The following MGAT4D variants were observed in gnomAD, a reference collection of about 807,000 sequenced individuals.
MGAT4D encodes alpha-1,3-mannosyl-glycoprotein 4-beta-N-acetylglucosaminyltransferase-like protein MGAT4D.
A neutral mutation model predicts 15.9 loss-of-function variants in MGAT4D; 34 were observed. The observed-to-expected ratio is 2.14, with a 90% confidence interval of 1.62 to 2.84. MGAT4D has a LOEUF of 2.84. Ranked by LOEUF, MGAT4D falls within the 30% of genes most tolerant of loss-of-function variation. The pLI is 0.00. For synonymous variants in MGAT4D, 112 were observed against 48.2 expected (o/e 2.33, Z -5.49); for missense variants, 327 against 140.2 (o/e 2.33, Z -6.73).
intron 8 of MGAT4D, chr4:140,457,378 G>A (rs564358269): frequency 5.3e-5 from 8 of 152,086 alleles, no homozygotes; most frequent in African/African-American, 1.2e-4. Flanking sequence ...TATGAAAGTC[G>A]GATGTAAGCA....
chr4:140,449,871 CA>C (rs769007539), intron 10 of MGAT4D: 6 of 189,820 alleles, frequency 3.2e-5, no homozygotes, highest in Admixed American at 2.4e-4. Context: ...AAGGGAAACA[CA>C]GCAACAAAAG....
intron 1 of MGAT4D, among the ~76,000 whole-genome samples, chr4:140,492,627 CAAAA>C (rs57107544): frequency 8.8e-6 from 1 of 113,768 alleles, no homozygotes. Flanking sequence ...GACTCTGTCT[CAAAA>C]AAAAAAAAAA....
At chr4:140,461,257 C>T (rs1423255439) in intron 7 of MGAT4D, among the ~76,000 whole-genome samples, 2 of 151,828 alleles carry the variant, frequency 1.3e-5, no homozygotes, top group Non-Finnish European at 2.9e-5. Flanking sequence ...CAAAAGAGAC[C>T]TTTTTTTTCT....
At chr4:140,493,287 CTTTTTTTTTTT>C (rs551838799) in intron 1 of MGAT4D, among the ~76,000 whole-genome samples, 2 of 112,522 alleles carry the variant, frequency 1.8e-5, no homozygotes, top group African/African-American at 6.7e-5. Flanking sequence ...TGTTCCTTTA[CTTTTTTTTTTT>C]TTTTTTTTTT....
At chr4:140,483,872 A>G (rs1283747668) in intron 1 of MGAT4D, among the ~76,000 whole-genome samples, 1 of 152,212 alleles carries the variant, frequency 6.6e-6, no homozygotes, top group African/African-American at 2.4e-5. Flanking sequence ...AAAATGGATG[A>G]AAGACTTAAG....
At chr4:140,465,308 A>G (rs1731461093) in intron 5 of MGAT4D, among the ~76,000 whole-genome samples, 1 of 152,216 alleles carries the variant, frequency 6.6e-6, no homozygotes, top group Admixed American at 6.5e-5. Context: ...AATGAAACTC[A>G]TGGATTATGA....
chr4:140,451,028 T>TAGA lies in MGAT4D; in HGVS notation c.1116+381_1116+382insTCT, dbSNP rs1578637307. Among the ~76,000 whole-genome samples, 3 of 152,192 alleles carry TAGA rather than the reference T, an allele frequency of 2.0e-5. No individual in the cohort carries two copies. In the East Asian group the frequency reaches 5.8e-4, roughly 29 times the overall value. On this transcript the variant is annotated intron_variant, in intron 10 of 10. Transcript: ENST00000511113. Reference sequence around the variant, plus strand: ...ACGAACAGTGGTCTGAAATAAAAATTCTGATACATTTAAATTAAATAGTAG... The same window carrying TAGA: ...ACGAACAGTGGTCTGAAATAAAAATTAGACTGATACATTTAAATTAAATAGTAG...
At chr4:140,454,964 C>T (rs1423165604) in intron 9 of MGAT4D, among the ~76,000 whole-genome samples, 2 of 152,078 alleles carry the variant, frequency 1.3e-5, no homozygotes, top group African/African-American at 2.4e-5. Flanking sequence ...TGTTGATAAC[C>T]TGTATTTTTT....
At chr4:140,443,878 ATTAAAT>A (rs1385205401) in intron 10 of MGAT4D, among the ~76,000 whole-genome samples, 1 of 152,148 alleles carries the variant, frequency 6.6e-6, no homozygotes, top group African/African-American at 2.4e-5. Context: ...AAAGCCAGAG[ATTAAAT>A]TTAAAATGAG....
chr4:140,482,351 T>G lies in MGAT4D; in HGVS notation c.229A>C (p.Arg77=), dbSNP rs897591934. ...LNRMKYEITK[R]EILSGNLVAQ... ...CCTAAGTTTCCTGACAAAATTTCTC[T>G]CTTTGTAATTTCATACTTCATTCGA... Residue 77 remains arginine, a synonymous_variant, in exon 2 of 11, where the codon AGA becomes CGA. Coordinates refer to ENST00000511113, the MANE Select transcript of MGAT4D (RefSeq NM_001277353.2). 3 of 631,220 alleles carry G rather than the reference T, an allele frequency of 4.8e-6. No individual in the cohort carries two copies. Among genetic ancestry groups the G allele is most frequent in the Non-Finnish European group, 8.3e-6 (3 of 359,322 alleles). The allele number at this position is 631,220 out of a possible 1,614,324, so 39.1% of individuals were successfully genotyped here.
chr4:140,445,900 T>C (rs1317742039), intron 10 of MGAT4D, among the ~76,000 whole-genome samples: 1 of 152,126 alleles, frequency 6.6e-6, no homozygotes, highest in Non-Finnish European at 1.5e-5. Flanking sequence ...TGTCTGTTTT[T>C]GTACCAGTAC....
chr4:140,488,296 C>T (rs941431754), intron 1 of MGAT4D, among the ~76,000 whole-genome samples: 4 of 152,178 alleles, frequency 2.6e-5, no homozygotes, highest in Non-Finnish European at 4.4e-5. Context: ...GATTTCTATT[C>T]TTCCATTAAA....
chr4:140,455,038 T>C (rs1000274886), intron 9 of MGAT4D, among the ~76,000 whole-genome samples: 4 of 152,138 alleles, frequency 2.6e-5, no homozygotes, highest in Admixed American at 2.0e-4. Context: ...TTTGGTTTTA[T>C]TGGTTTTCTC....
chr4:140,446,917 T>C (rs982429202), intron 10 of MGAT4D, among the ~76,000 whole-genome samples: 3 of 151,974 alleles, frequency 2.0e-5, no homozygotes, highest in Non-Finnish European at 4.4e-5. Context: ...TTGTCCTCAT[T>C]AGTTTCAAAG....
At chr4:140,444,187 TTAAG>T (rs1729939893) in intron 10 of MGAT4D, among the ~76,000 whole-genome samples, 1 of 152,196 alleles carries the variant, frequency 6.6e-6, no homozygotes, top group Non-Finnish European at 1.5e-5. Context: ...GGGCATGACC[TTAAG>T]TAATAATTCA....
At chr4:140,446,094 T>C (rs977599987) in intron 10 of MGAT4D, among the ~76,000 whole-genome samples, 11 of 142,702 alleles carry the variant, frequency 7.7e-5, no homozygotes, top group Admixed American at 1.4e-4. Context: ...GATTTTTGCA[T>C]TGATGTTCAT....
chr4:140,471,984 G>A (rs1731996212), intron 4 of MGAT4D, among the ~76,000 whole-genome samples, 163 bp from the exon 5 acceptor site: 1 of 151,748 alleles, frequency 6.6e-6, no homozygotes, highest in Admixed American at 6.6e-5. Context: ...AAATATCCAT[G>A]TTCTTAAAAA....
chr4:140,486,424 T>A (rs1002489079), intron 1 of MGAT4D, among the ~76,000 whole-genome samples: 15 of 152,126 alleles, frequency 9.9e-5, no homozygotes, highest in African/African-American at 2.4e-5. Flanking sequence ...TACATAGATA[T>A]ACATGTGCTG....
chr4:140,468,969 C>T (rs1458282016), intron 5 of MGAT4D, among the ~76,000 whole-genome samples: 6 of 152,080 alleles, frequency 3.9e-5, no homozygotes, highest in Non-Finnish European at 8.8e-5. Context: ...GTCTAAAGCT[C>T]CCTCCACCTG....
Sources: allele counts gnomAD v4.1 joint callset (sites outside exome capture counted in the v4.1 genomes callset), GRCh38; gene constraint gnomAD v4.1.1; transcripts MANE v1.5; gene names NCBI Gene and HGNC (gene_info 2026-07-23, HGNC 2026-07-21).